TMC1: variants seen among roughly 807,000 people sequenced by gnomAD.
TMC1 encodes transmembrane channel-like protein 1.
A neutral mutation model predicts 105.8 loss-of-function variants in TMC1; 84 were observed. That is an observed-to-expected ratio of 0.79 (90% CI 0.67 to 0.95). The LOEUF (loss-of-function observed/expected upper bound fraction) is 0.95. TMC1 is among the 40% of genes least tolerant of loss of function. TMC1 has a pLI of 0.00. For synonymous variants in TMC1, 315 were observed against 311.5 expected (o/e 1.01, Z -0.12); for missense variants, 817 against 914.1 (o/e 0.89, Z 1.37).
intron 8 of TMC1, among the ~76,000 whole-genome samples, chr9:72,723,910 A>T (rs1827073306): frequency 6.6e-6 from 1 of 152,154 alleles, no homozygotes; most frequent in Non-Finnish European, 1.5e-5. Flanking sequence ...TCACTGAGCT[A>T]CTGTTTCTAT....
Position 72,772,537 on chromosome 9 carries a change from T to TAA in TMC1, c.866_867insAA (p.Phe289LeufsTer9), listed in dbSNP as rs1827946810. On this transcript the variant is annotated frameshift_variant, in exon 13 of 24. Transcript: ENST00000297784. LOFTEE classifies it high-confidence loss of function. ...GGGATTATGTGCATTGGATACAGCT[T>TAA]TCTGGTTGTCCTCAAAGCGTAAGTT... 3 of 1,613,806 alleles carry TAA rather than the reference T, an allele frequency of 1.9e-6. No individual in the cohort carries two copies. Among genetic ancestry groups the TAA allele is most frequent in the Non-Finnish European group, 2.5e-6 (3 of 1,179,822 alleles).
intron 8 of TMC1, among the ~76,000 whole-genome samples, chr9:72,720,341 G>A (rs1226824639): frequency 6.6e-6 from 1 of 152,158 alleles, no homozygotes; most frequent in Non-Finnish European, 1.5e-5. Flanking sequence ...ACATGGCTTA[G>A]TAAGCTTATT....
intron 17 of TMC1, among the ~76,000 whole-genome samples, chr9:72,799,104 C>T (rs1043042454): frequency 3.6e-4 from 54 of 151,810 alleles, no homozygotes; most frequent in African/African-American, 1.2e-3. Context: ...CTTCAGATCT[C>T]GTATTTTTAT....
chr9:72,670,580 A>G (rs574552366), intron 5 of TMC1, among the ~76,000 whole-genome samples: 2 of 152,192 alleles, frequency 1.3e-5, no homozygotes, highest in Non-Finnish European at 2.9e-5. Context: ...TCAATTATAC[A>G]TAATTGCCCC....
At chr9:72,772,672 TG>T in intron 13 of TMC1, 117 bp downstream of exon 13, 1 of 1,334,776 alleles carries the variant, frequency 7.5e-7, no homozygotes, top group Non-Finnish European at 1.1e-6. Context: ...AAACAGAGTC[TG>T]TAAGAGATGA....
At chr9:72,590,209 T>C (rs1824614649) in intron 2 of TMC1, among the ~76,000 whole-genome samples, 2 of 152,310 alleles carry the variant, frequency 1.3e-5, no homozygotes, top group East Asian at 1.9e-4. Flanking sequence ...CTATAACAAG[T>C]GTATTTGACC....
intron 9 of TMC1, 62 bp from the exon 10 acceptor site, chr9:72,742,382 G>T: frequency 7.7e-7 from 1 of 1,292,092 alleles, no homozygotes; most frequent in South Asian, 1.2e-5. Flanking sequence ...TTGAGGTGGG[G>T]GATAAACATC....
intron 23 of TMC1, among the ~76,000 whole-genome samples, chr9:72,833,507 A>T (rs1182784073): frequency 6.6e-6 from 1 of 152,134 alleles, no homozygotes. Flanking sequence ...ACTGTCATTC[A>T]ACAGGATCTC....
intron 1 of TMC1, among the ~76,000 whole-genome samples, chr9:72,549,576 A>G (rs7022274): frequency 0.59 from 87,464 of 149,260 alleles, 27,612 homozygotes; most frequent in African/African-American, 0.85. Flanking sequence ...CTGAGTAGCT[A>G]GGATTACAGG....
intron 9 of TMC1, chr9:72,741,098 G>C (rs1001235655): frequency 6.4e-6 from 1 of 156,506 alleles, no homozygotes; most frequent in Non-Finnish European, 1.4e-5. Flanking sequence ...GCTGTTTCTA[G>C]TTATGAGTAA....
At chr9:72,644,437 T>A (rs2132146538) in intron 4 of TMC1, among the ~76,000 whole-genome samples, 1 of 152,238 alleles carries the variant, frequency 6.6e-6, no homozygotes, top group African/African-American at 2.4e-5. Context: ...TTTTTGTATA[T>A]GGTATAAGAT....
intron 13 of TMC1, among the ~76,000 whole-genome samples, chr9:72,785,288 CTT>C (rs755198129): frequency 6.6e-6 from 1 of 152,170 alleles, no homozygotes. Flanking sequence ...TATTTAATGA[CTT>C]TTCCACTTTA....
chr9:72,656,095 G>T, intron 5 of TMC1: 1 of 682,688 alleles, frequency 1.5e-6, no homozygotes. Context: ...ACACACCTTC[G>T]CCAGGGATTT....
chr9:72,548,053 C>T (rs999893875), intron 1 of TMC1, among the ~76,000 whole-genome samples: 7 of 152,106 alleles, frequency 4.6e-5, no homozygotes, highest in Admixed American at 2.0e-4. Context: ...ACTCTACCTT[C>T]GCAACCAAAA....
chr9:72,627,943 G>C lies in TMC1; in HGVS notation c.-173G>C. On this transcript the variant is annotated 5_prime_UTR_variant, in exon 4 of 24. Coordinates refer to ENST00000297784, the MANE Select transcript of TMC1 (RefSeq NM_138691.3). ...TAGGATGCCAGAAGCCTCAAAAATG[G>C]AAAACCCCCTGTGCTTCACATCTGA... The C allele has an allele frequency of 4.7e-6, 2 of 423,488 alleles. No individual in the cohort carries two copies. The highest frequency in any genetic ancestry group is 9.4e-6 in the Non-Finnish European group (2 of 213,740). The allele number at this position is 423,488 out of a possible 1,614,324, so 26.2% of individuals were successfully genotyped here. A position where few individuals can be genotyped will look rare whatever the true frequency, so the allele number is the denominator to read the frequency against.
intron 23 of TMC1, among the ~76,000 whole-genome samples, chr9:72,831,535 C>A (rs71507806): frequency 0.037 from 5,644 of 151,988 alleles, 130 homozygotes; most frequent in Admixed American, 0.045. Context: ...TGTGCTGCAC[C>A]CATTAACTCA....
rs189301449 is a variant in TMC1, at chr9:72,701,506, T to A, written c.362+863T>A. 4.4e-3 allele frequency among the ~76,000 whole-genome samples: 675 copies of A among 152,322 alleles called. 4 individuals carry two copies. The highest frequency in any genetic ancestry group is 0.016 in the African/African-American group (647 of 41,580). Reference sequence around the variant, plus strand: ...TTGCATCTCCTAGTTTTGCCAAAGATTGCATTCTTCCATAAATCATTTTTA... The same window carrying A: ...TTGCATCTCCTAGTTTTGCCAAAGAATGCATTCTTCCATAAATCATTTTTA... On this transcript the variant is annotated intron_variant, in intron 8 of 23. Transcript: ENST00000297784.
intron 1 of TMC1, among the ~76,000 whole-genome samples, chr9:72,556,467 A>G (rs1823942654): frequency 6.6e-6 from 1 of 151,864 alleles, no homozygotes; most frequent in South Asian, 2.1e-4. Flanking sequence ...CGTCTCACAA[A>G]TTTCCACACA....
At chr9:72,652,108 G>T (rs976588634) in intron 5 of TMC1, among the ~76,000 whole-genome samples, 2 of 152,126 alleles carry the variant, frequency 1.3e-5, no homozygotes, top group African/African-American at 2.4e-5. Flanking sequence ...ATTGTTGTAG[G>T]AGGGAGGTGG....
Sources: gnomAD v4.1 joint callset for allele counts (sites outside exome capture counted in the v4.1 genomes callset) on GRCh38, gnomAD v4.1.1 for gene constraint, MANE v1.5 for transcripts, NCBI Gene and HGNC (gene_info 2026-07-23, HGNC 2026-07-21) for gene names.